ZFHX3: variants seen among roughly 807,000 people sequenced by gnomAD.
ZFHX3 encodes the protein zinc finger homeobox protein 3.
ZFHX3 carries 42 observed loss-of-function variants against 279.1 expected under a neutral mutation model. That is an observed-to-expected ratio of 0.15 (90% CI 0.12 to 0.19). The LOEUF is 0.19. ZFHX3 is among the 10% of genes least tolerant of loss of function. ZFHX3 has a pLI of 1.00. For synonymous variants in ZFHX3, 2,293 were observed against 1,957.8 expected (o/e 1.17, Z -4.52); for missense variants, 4,981 against 4,754.0 (o/e 1.05, Z -1.40).
intron 1 of ZFHX3, among the ~76,000 whole-genome samples, chr16:73,857,492 C>A (rs548458901): frequency 1.3e-5 from 2 of 152,222 alleles, no homozygotes; most frequent in East Asian, 3.9e-4. Context: ...CCCCTTTGTT[C>A]TTAGACCTCC....
At chr16:73,471,522 C>T (rs978461071) in intron 2 of ZFHX3, among the ~76,000 whole-genome samples, 1 of 152,172 alleles carries the variant, frequency 6.6e-6, no homozygotes, top group Non-Finnish European at 1.5e-5. Context: ...GATTCTCCTG[C>T]CTCAGCCTCC....
chr16:73,474,147 T>G lies in ZFHX3; in HGVS notation c.-1546-17889A>C, dbSNP rs185270081. On this transcript the variant is annotated intron_variant, in intron 2 of 17. Transcript: ENST00000641206. ...CGCTCTTTTTTATTTATTTATTTATTTATTTATTGAGACAGAGTCTCGCTC... is the reference window on the plus strand; with the variant it reads ...CGCTCTTTTTTATTTATTTATTTATGTATTTATTGAGACAGAGTCTCGCTC... Among the ~76,000 whole-genome samples, 375 of 141,090 alleles carry G rather than the reference T, an allele frequency of 2.7e-3. 1 individual carries two copies. The highest frequency in any genetic ancestry group is 4.0e-3 in the Admixed American group (49 of 12,198). 92.6% of individuals were successfully genotyped at this position (141,090 alleles called of 152,430 possible).
chr16:73,352,544 ATCACGAC>A (rs2016266443), intron 3 of ZFHX3, among the ~76,000 whole-genome samples: 1 of 134,796 alleles, frequency 7.4e-6, no homozygotes, highest in Non-Finnish European at 1.5e-5. Context: ...ACCAGGCAAG[ATCACGAC>A]TCACTGCAAT....
chr16:73,397,205 C>T (rs974430018), intron 3 of ZFHX3, among the ~76,000 whole-genome samples: 1 of 152,198 alleles, frequency 6.6e-6, no homozygotes, highest in East Asian at 1.9e-4. Flanking sequence ...GGAGGCCTCT[C>T]TGAGGAGGTG....
chr16:73,443,521 G>T (rs1207997576), intron 3 of ZFHX3, among the ~76,000 whole-genome samples: 2 of 151,426 alleles, frequency 1.3e-5, no homozygotes, highest in Non-Finnish European at 2.9e-5. Flanking sequence ...TTATCACTTT[G>T]CCTGACAAAA....
chr16:72,904,662 GA>G (rs1050017818), intron 3 of ZFHX3, among the ~76,000 whole-genome samples: 7 of 152,180 alleles, frequency 4.6e-5, no homozygotes, highest in African/African-American at 1.4e-4. Context: ...AACCCTCCCA[GA>G]TAACTCTGAC....
At chr16:73,500,706 A>T (rs1210502999) in intron 2 of ZFHX3, among the ~76,000 whole-genome samples, 1 of 151,470 alleles carries the variant, frequency 6.6e-6, no homozygotes. Flanking sequence ...AAAAAAAAAA[A>T]AAACCTCACA....
At chr16:73,084,676 C>A (rs960615670) in intron 8 of ZFHX3, among the ~76,000 whole-genome samples, 1 of 151,898 alleles carries the variant, frequency 6.6e-6, no homozygotes, top group Non-Finnish European at 1.5e-5. Flanking sequence ...TGCCACCATG[C>A]CCGGCTAATT....
At chr16:73,488,502 T>C (rs2019010522) in intron 2 of ZFHX3, among the ~76,000 whole-genome samples, 1 of 152,128 alleles carries the variant, frequency 6.6e-6, no homozygotes, top group Admixed American at 6.5e-5. Flanking sequence ...AAATAGGTGG[T>C]GGTATTGACA....
chr16:73,260,494 C>A (rs564867532), intron 4 of ZFHX3, among the ~76,000 whole-genome samples: 1 of 152,200 alleles, frequency 6.6e-6, no homozygotes, highest in Non-Finnish European at 1.5e-5. Flanking sequence ...TGTGTGTCTT[C>A]TGACATGTCC....
At chr16:73,784,816 T>TATATATATACACAC (rs1555501460) in intron 1 of ZFHX3, among the ~76,000 whole-genome samples, 55 of 135,522 alleles carry the variant, frequency 4.1e-4, no homozygotes, top group African/African-American at 1.5e-3. Context: ...TATATATATA[T>TATATATATACACAC]ACACACACAC....
intron 5 of ZFHX3, among the ~76,000 whole-genome samples, chr16:73,186,985 T>C (rs1009464329): frequency 4.6e-5 from 7 of 152,208 alleles, no homozygotes; most frequent in Admixed American, 3.3e-4. Flanking sequence ...TAGGAGTGAA[T>C]GTGCTCACAG....
intron 1 of ZFHX3, among the ~76,000 whole-genome samples, chr16:73,692,197 T>C (rs1597068950): frequency 6.6e-6 from 1 of 152,170 alleles, no homozygotes; most frequent in East Asian, 1.9e-4. Flanking sequence ...TAGTGACACT[T>C]CTAATAAATA....
At chr16:73,684,414 T>G (rs2053057371) in intron 1 of ZFHX3, among the ~76,000 whole-genome samples, 1 of 151,726 alleles carries the variant, frequency 6.6e-6, no homozygotes, top group Non-Finnish European at 1.5e-5. Context: ...AAAGGAAAAT[T>G]GGGATAAAAA....
At chr16:73,182,826 A>G (rs1406001647) in intron 5 of ZFHX3, among the ~76,000 whole-genome samples, 1 of 151,470 alleles carries the variant, frequency 6.6e-6, no homozygotes, top group East Asian at 1.9e-4. Flanking sequence ...CTAAGTGAGA[A>G]CTAAACAATG....
rs2143265805 is a variant in ZFHX3, at chr16:72,787,219, C to G, written c.11057G>C (p.Ser3686Thr). ...ASPVEGPKDP[S>T]CPKDSGLTSV... ...GGTCAGACCACTGTCCTTGGGGCAGCTGGGGTCTTTGGGACCCTCCACCGG... is the reference window on the plus strand; with the variant it reads ...GGTCAGACCACTGTCCTTGGGGCAGGTGGGGTCTTTGGGACCCTCCACCGG... Residue 3686 changes from serine (S) to threonine (T), a missense_variant, in exon 10 of 10, where the codon AGC becomes ACC. By Grantham distance (58) the Ser-to-Thr change is moderately conservative (BLOSUM62 1). Coordinates refer to ENST00000268489, the MANE Select transcript of ZFHX3 (RefSeq NM_006885.4). 1.2e-6 allele frequency: 2 copies of G among 1,613,976 alleles called. No individual in the cohort carries two copies. Among genetic ancestry groups the G allele is most frequent in the South Asian group, 1.1e-5 (1 of 91,072 alleles).
intron 1 of ZFHX3, among the ~76,000 whole-genome samples, chr16:73,834,903 C>G (rs145741460): frequency 8.0e-6 from 1 of 124,732 alleles, no homozygotes; most frequent in Non-Finnish European, 1.9e-5. Context: ...AAAAAAGAAG[C>G]GTCTCCCCCC....
At chr16:73,882,372 A>C (rs996481705) in intron 1 of ZFHX3, among the ~76,000 whole-genome samples, 1 of 152,154 alleles carries the variant, frequency 6.6e-6, no homozygotes, top group Non-Finnish European at 1.5e-5. Flanking sequence ...ATTATTTAAC[A>C]AAGCTAAAAG....
chr16:72,946,574 G>GC (rs1226103148), intron 3 of ZFHX3, among the ~76,000 whole-genome samples: 1 of 152,134 alleles, frequency 6.6e-6, no homozygotes, highest in African/African-American at 2.4e-5. Context: ...TCTGTGCCCC[G>GC]CCCCCTCCGG....
Sources: allele counts gnomAD v4.1 joint callset (sites outside exome capture counted in the v4.1 genomes callset), GRCh38; gene constraint gnomAD v4.1.1; transcripts MANE v1.5; gene names NCBI Gene and HGNC (gene_info 2026-07-23, HGNC 2026-07-21).